ABCF2: variants seen among roughly 807,000 people sequenced by gnomAD.
The protein encoded by ABCF2 is ATP-binding cassette sub-family F member 2.
ABCF2 carries 37 observed loss-of-function variants against 76.9 expected under a neutral mutation model. The observed-to-expected ratio is 0.48, with a 90% CI of 0.37 to 0.63. The LOEUF (loss-of-function observed/expected upper bound fraction) is 0.63, where lower values mean the gene tolerates loss of function less well. Ranked by LOEUF, ABCF2 falls within the 30% of genes least tolerant of loss-of-function variation. The pLI, the probability that ABCF2 is intolerant of heterozygous loss-of-function variation, is 0.00. For synonymous variants in ABCF2, 299 were observed against 283.7 expected (o/e 1.05, Z -0.54); for missense variants, 524 against 782.1 (o/e 0.67, Z 3.94).
intron 10 of ABCF2, 133 bp from the exon 11 acceptor site, chr7:151,218,324 C>T (rs747708796): frequency 2.0e-4 from 146 of 721,454 alleles, no homozygotes; most frequent in Non-Finnish European, 3.2e-4. Flanking sequence ...GCACTCATAG[C>T]AGACCCCGCC....
At position 151,224,793 on chromosome 7, in the gene ABCF2, A is replaced by G. The variant is rs958516290; in HGVS notation, c.350T>C (p.Ile117Thr). Residue 117 changes from isoleucine to threonine, a missense_variant, in exon 3 of 15, where the codon ATT becomes ACT. Physicochemically the swap from Ile to Thr is moderately conservative, Grantham distance 89 (BLOSUM62 -1). This residue lies in a region of ABCF2 where 330 missense variants were observed against 433.6 expected (regional missense o/e 0.76). Coordinates refer to ENST00000287844, the MANE Select transcript of ABCF2 (RefSeq NM_007189.3). ...GGCCTCACCAATTCCATTTAAACCA[A>G]TGAGGCCATAACGACGGCCTGAGTT... ...ELNSGRRYGLIGLNGIGKSML... is the reference protein window; with the variant it reads ...ELNSGRRYGLTGLNGIGKSML... 1.2e-6 allele frequency: 2 copies of G among 1,614,020 alleles called. No homozygotes were observed. Among genetic ancestry groups the G allele is most frequent in the African/African-American group, 1.3e-5 (1 of 74,906 alleles).
rs1802141328 is a variant in ABCF2, at chr7:151,215,904, A to G, written c.1401+63T>C. 7 of 1,592,878 alleles carry G rather than the reference A, an allele frequency of 4.4e-6. No homozygotes were observed. The Admixed American group carries it at 1.2e-4, about 27-fold the overall frequency. On this transcript the variant is annotated intron_variant, in intron 12 of 14. Coordinates refer to ENST00000287844, the MANE Select transcript of ABCF2 (RefSeq NM_007189.3). The surrounding 1 kb of genome is among the most constrained non-coding windows in gnomAD (Gnocchi z 4.6). ...GGGTGGGGGCGGCTGGCTGGAACTC[A>G]GCCAGATACAGCCCCTCCCTATACC...
In ABCF2 at chr7:151,212,613, T is replaced by C. The variant is rs75114719; in HGVS notation, c.*1441A>G. The C allele has an allele frequency of 2.2e-6, 1 of 452,778 alleles. No individual in the cohort carries two copies. The highest frequency in any genetic ancestry group is 2.9e-6 in the Non-Finnish European group (1 of 343,458). The allele number at this position is 452,778 out of a possible 1,614,324, so 28.0% of individuals were successfully genotyped here. ...CTGGGCTCAAGTGAGCCTCCTCTTA[T>C]CAGAGCAGCTGGGACCGCAGGCACA... On this transcript the variant is annotated 3_prime_UTR_variant, in exon 15 of 15. Transcript: ENST00000287844.
At position 151,212,308 on chromosome 7, in the gene ABCF2, C is replaced by T; in HGVS notation, c.*1746G>A. 1 of 985,370 alleles carries T rather than the reference C, an allele frequency of 1.0e-6. No homozygotes were observed. Among genetic ancestry groups the T allele is most frequent in the African/African-American group, 1.7e-5 (1 of 57,320 alleles). The allele number at this position is 985,370 out of a possible 1,614,324, so 61.0% of individuals were successfully genotyped here. On this transcript the variant is annotated 3_prime_UTR_variant, in exon 15 of 15. Transcript: ENST00000287844. Reference sequence around the variant, plus strand: ...AAAGACCCAGATAAGGTATGCAGAGCCCTGGGCTGGAAGTGAATTCAACAG... The same window carrying T: ...AAAGACCCAGATAAGGTATGCAGAGTCCTGGGCTGGAAGTGAATTCAACAG...
chr7:151,226,536 A>T, intron 1 of ABCF2, 36 bp from the exon 2 acceptor site: 1 of 1,459,070 alleles, frequency 6.9e-7, no homozygotes, highest in Non-Finnish European at 9.3e-7. Context: ...CAAACCCTAA[A>T]CTTACTAGTA....
At chr7:151,217,014 C>G (rs1432632186) in intron 11 of ABCF2, among the ~76,000 whole-genome samples, 2 of 152,198 alleles carry the variant, frequency 1.3e-5, no homozygotes, top group Non-Finnish European at 2.9e-5. Context: ...CTCCTACCAC[C>G]ACACAGTTAA....
rs2150570586 is a variant in ABCF2, at chr7:151,211,774, A to G, written c.*2280T>C. On this transcript the variant is annotated 3_prime_UTR_variant, in exon 15 of 15. Transcript: ENST00000287844. ...CCAAGGCTCTGGACTCTCAGGACAG[A>G]CTAACCTGGGCCATTTTGCTCCAGG... is the stretch of plus-strand genomic sequence containing the variant. 2.0e-6 allele frequency: 2 copies of G among 985,402 alleles called. No individual in the cohort carries two copies. The highest frequency in any genetic ancestry group is 9.4e-5 in the South Asian group (2 of 21,282). The allele number at this position is 985,402 out of a possible 1,614,324, so 61.0% of individuals were successfully genotyped here.
intron 11 of ABCF2, among the ~76,000 whole-genome samples, chr7:151,217,633 T>C (rs973657632): frequency 8.6e-5 from 13 of 152,004 alleles, no homozygotes; most frequent in African/African-American, 2.7e-4. Context: ...ACCCCATCTC[T>C]ACTAAAATAC....
chr7:151,215,985 C>A lies in ABCF2; in HGVS notation c.1383G>T (p.Lys461Asn). 1 of 1,614,206 alleles carries A rather than the reference C, an allele frequency of 6.2e-7. No homozygotes were observed. Among genetic ancestry groups the A allele is most frequent in the Non-Finnish European group, 8.5e-7 (1 of 1,180,038 alleles). Reference sequence around the variant, plus strand: ...CCTGTACCTGATGGTAACGCCCTATCTTGACATGAGAGTGTTTTCGGATCA... The same window carrying A: ...CCTGTACCTGATGGTAACGCCCTATATTGACATGAGAGTGTTTTCGGATCA... ...DGMIRKHSHV[K>N]IGRYHQHLQE... The change falls in exon 12 of 15, where the codon AAG (lysine) becomes AAT (asparagine). Residue 461 changes from lysine to asparagine, a missense_variant. Transcript: ENST00000287844. The surrounding 1 kb of genome is among the most constrained non-coding windows in gnomAD (Gnocchi z 4.6).
intron 7 of ABCF2, 74 bp from the exon 8 acceptor site, chr7:151,219,233 A>C (rs1248438323): frequency 7.7e-7 from 1 of 1,295,744 alleles, no homozygotes; most frequent in African/African-American, 1.4e-5. Context: ...CTCAGAGTTT[A>C]GGGGGATGAG....
chr7:151,211,726 TCCAGATGCCATTCTCCCCTGAA>T lies in ABCF2; in HGVS notation c.*2306_*2327del, dbSNP rs948250943. On this transcript the variant is annotated 3_prime_UTR_variant, in exon 15 of 15. Transcript: ENST00000287844. ...TCCCCATTATCCCAGCAGCCCACTC[TCCAGATGCCATTCTCCCCTGAA>T]CCAAGGCTCTGGACTCTCAGGACAG... 2 of 985,200 alleles carry T rather than the reference TCCAGATGCCATTCTCCCCTGAA, an allele frequency of 2.0e-6. No individual in the cohort carries two copies. The highest frequency in any genetic ancestry group is 3.5e-5 in the African/African-American group (2 of 57,192). The allele number at this position is 985,200 out of a possible 1,614,324, so 61.0% of individuals were successfully genotyped here.
chr7:151,220,273 C>CAGCT (rs1315251328), intron 7 of ABCF2, among the ~76,000 whole-genome samples: 17 of 151,634 alleles, frequency 1.1e-4, no homozygotes, highest in Admixed American at 1.1e-3. Flanking sequence ...CCTGTAGTCC[C>CAGCT]AGCTACTCAG....
rs951114366 is a variant in ABCF2 at position 151,214,519 on chromosome 7, C to G, written c.1735-328G>C. Among the ~76,000 whole-genome samples the G allele has an allele frequency of 2.0e-5, 3 of 152,196 alleles. No individual in the cohort carries two copies. Among genetic ancestry groups the G allele is most frequent in the African/African-American group, 7.2e-5 (3 of 41,450 alleles). On this transcript the variant is annotated intron_variant, in intron 14 of 14. Transcript: ENST00000287844. The surrounding 1 kb of genome is among the most constrained non-coding windows in gnomAD (Gnocchi z 4.9). Reference sequence around the variant, plus strand: ...TCAGAGGAATGAGCAACAACTTTTTCTCAAATGACTGTGGTAGCTGTCTAA... The same window carrying G: ...TCAGAGGAATGAGCAACAACTTTTTGTCAAATGACTGTGGTAGCTGTCTAA...
At chr7:151,225,951 G>A (rs1209303478) in intron 2 of ABCF2, among the ~76,000 whole-genome samples, 3 of 152,202 alleles carry the variant, frequency 2.0e-5, no homozygotes, top group African/African-American at 7.2e-5. Context: ...CCAGTGAGAG[G>A]ACAAGCTTAT....
In ABCF2 at chr7:151,213,140, G is replaced by C; in HGVS notation, c.*914C>G. On this transcript the variant is annotated 3_prime_UTR_variant, in exon 15 of 15. Coordinates refer to ENST00000287844, the MANE Select transcript of ABCF2 (RefSeq NM_007189.3). ...ATCACAATCAGAAAACCACGCTCCT[G>C]GACAGTGGTTCTCAAAATAGTCTCT... 3.0e-6 allele frequency: 3 copies of C among 985,346 alleles called. No individual in the cohort carries two copies. The highest frequency in any genetic ancestry group is 3.6e-6 in the Non-Finnish European group (3 of 829,916). 61.0% of individuals were successfully genotyped at this position (985,346 alleles called of 1,614,324 possible).
Position 151,221,610 on chromosome 7 carries a change from G to A in ABCF2, c.889C>T (p.His297Tyr). 6.2e-7 allele frequency: 1 copy of A among 1,609,246 alleles called. No individual in the cohort carries two copies. The highest frequency in any genetic ancestry group is 1.1e-5 in the South Asian group (1 of 90,980). The change falls in exon 7 of 15, where the codon CAC (histidine) becomes TAC (tyrosine). Residue 297 changes from histidine to tyrosine, a missense_variant. By Grantham distance (83) the His-to-Tyr change is moderately conservative. Transcript: ENST00000287844. ...FLNGVCTNIIHMHNKKLKYYT... is the reference protein window; with the variant it reads ...FLNGVCTNIIYMHNKKLKYYT... The stretch of plus-strand genomic sequence containing the variant: ...TACTTCAGTTTCTTGTTGTGCATGT[G>A]AATGATATTGGTACAGACACCATTC...
At chr7:151,223,536 A>G in intron 5 of ABCF2, 142 bp downstream of exon 5, 2 of 993,340 alleles carry the variant, frequency 2.0e-6, no homozygotes, top group Non-Finnish European at 2.9e-6. Flanking sequence ...CCCATACACA[A>G]CAACCCCCTC....
rs118025990 is a variant in ABCF2, at chr7:151,214,263, G to A, written c.1735-72C>T. On this transcript the variant is annotated intron_variant, in intron 14 of 14. Coordinates refer to ENST00000287844, the MANE Select transcript of ABCF2 (RefSeq NM_007189.3). This position sits in a 1 kb window ranked among gnomAD's most constrained non-coding sequence, Gnocchi z 4.9. ...GCCTCTGCCCAGCAGACTGTCCTGAGGGGCGTCTAGGAAGAAAACTCCGCC... is the reference window on the plus strand; with the variant it reads ...GCCTCTGCCCAGCAGACTGTCCTGAAGGGCGTCTAGGAAGAAAACTCCGCC... 2.4e-5 allele frequency: 39 copies of A among 1,608,750 alleles called. No individual in the cohort carries two copies. The East Asian group carries it at 4.9e-4, about 20-fold the overall frequency.
chr7:151,222,696 A>G (rs192214861), intron 5 of ABCF2, 80 bp from the exon 6 acceptor site: 27 of 1,174,380 alleles, frequency 2.3e-5, no homozygotes, highest in Admixed American at 6.0e-5. Context: ...TGCCTGCTAC[A>G]TGCAATTCTG....
Sources: gnomAD v4.1 joint callset for allele counts (sites outside exome capture counted in the v4.1 genomes callset) on GRCh38, gnomAD v4.1.1 for gene constraint, gnomAD v4.1.1 regional missense constraint, Gnocchi (gnomAD v3.1) non-coding constraint, MANE v1.5 for transcripts, NCBI Gene and HGNC (gene_info 2026-07-23, HGNC 2026-07-21) for gene names.